The following GABRA5 variants were observed in gnomAD, a reference collection of about 807,000 sequenced individuals.
GABRA5 encodes the protein gamma-aminobutyric acid receptor subunit alpha-5.
GABRA5 carries 18 observed loss-of-function variants against 47.3 expected under a neutral mutation model. That is an observed-to-expected ratio of 0.38 (90% confidence interval 0.26 to 0.56). The LOEUF (loss-of-function observed/expected upper bound fraction) is 0.56. Ranked by LOEUF, GABRA5 falls within the 20% of genes least tolerant of loss-of-function variation. GABRA5 has a pLI of 0.71. For synonymous variants in GABRA5, 237 were observed against 229.3 expected (o/e 1.03, Z -0.30); for missense variants, 365 against 599.3 (o/e 0.61, Z 4.08).
intron 6 of GABRA5, among the ~76,000 whole-genome samples, chr15:26,888,548 T>C (rs572559068): frequency 6.6e-6 from 1 of 152,212 alleles, no homozygotes; most frequent in South Asian, 2.1e-4. Context: ...TTAATTGTTT[T>C]CTCGGGTGAG....
chr15:26,919,558 G>A (rs1057325937), intron 7 of GABRA5, among the ~76,000 whole-genome samples: 3 of 151,946 alleles, frequency 2.0e-5, no homozygotes, highest in African/African-American at 4.8e-5. Context: ...TTTATATTGT[G>A]CATCATTAAC....
chr15:26,946,433 GTTTT>G (rs56708714), intron 10 of GABRA5, among the ~76,000 whole-genome samples: 6 of 144,910 alleles, frequency 4.1e-5, no homozygotes, highest in African/African-American at 1.3e-4. Flanking sequence ...CAATTTATCT[GTTTT>G]TTTTTTTTTT....
intron 10 of GABRA5, among the ~76,000 whole-genome samples, chr15:26,946,928 C>T (rs898860518): frequency 1.3e-5 from 2 of 152,182 alleles, no homozygotes; most frequent in African/African-American, 4.8e-5. Context: ...GTAGGTCACT[C>T]AGCCATAAAA....
At chr15:26,908,960 A>G (rs1893513392) in intron 6 of GABRA5, among the ~76,000 whole-genome samples, 1 of 152,242 alleles carries the variant, frequency 6.6e-6, no homozygotes, top group Non-Finnish European at 1.5e-5. Flanking sequence ...TGGCACAATA[A>G]CTGCTGGTCA....
At chr15:26,909,787 G>A (rs1893535490) in intron 6 of GABRA5, among the ~76,000 whole-genome samples, 1 of 152,194 alleles carries the variant, frequency 6.6e-6, no homozygotes, top group Non-Finnish European at 1.5e-5. Context: ...AATCACATCT[G>A]CAAAGCCCTT....
At chr15:26,908,667 A>G (rs1000152265) in intron 6 of GABRA5, among the ~76,000 whole-genome samples, 5 of 152,224 alleles carry the variant, frequency 3.3e-5, no homozygotes, top group Non-Finnish European at 7.3e-5. Flanking sequence ...CTGTGTTGAT[A>G]CTGAATTTCA....
intron 6 of GABRA5, among the ~76,000 whole-genome samples, chr15:26,884,970 C>T (rs538044971): frequency 3.3e-5 from 5 of 152,090 alleles, no homozygotes; most frequent in South Asian, 2.1e-4. Flanking sequence ...TGTAGGAAAA[C>T]GCAAGGACTG....
intron 10 of GABRA5, among the ~76,000 whole-genome samples, chr15:26,946,646 C>T (rs930715765): frequency 2.0e-5 from 3 of 152,144 alleles, no homozygotes; most frequent in Non-Finnish European, 4.4e-5. Flanking sequence ...ACTCAAATCC[C>T]TGCCACAGTA....
At chr15:26,937,680 G>C (rs1265474313) in intron 8 of GABRA5, among the ~76,000 whole-genome samples, 1 of 152,220 alleles carries the variant, frequency 6.6e-6, no homozygotes, top group Non-Finnish European at 1.5e-5. Flanking sequence ...ACAGTGCAGA[G>C]ATTTCCCTGG....
At chr15:26,911,533 A>G (rs2140291203) in intron 6 of GABRA5, among the ~76,000 whole-genome samples, 1 of 152,274 alleles carries the variant, frequency 6.6e-6, no homozygotes, top group Middle Eastern at 3.4e-3. Flanking sequence ...GCTAGAATGA[A>G]GCCCACCATG....
At chr15:26,872,425 T>A (rs1363870067) in intron 3 of GABRA5, among the ~76,000 whole-genome samples, 4 of 152,140 alleles carry the variant, frequency 2.6e-5, no homozygotes, top group Admixed American at 1.3e-4. Flanking sequence ...CTTCTTGGGC[T>A]CCCTGACTTG....
At chr15:26,888,503 C>T (rs1398755447) in intron 6 of GABRA5, among the ~76,000 whole-genome samples, 1 of 152,064 alleles carries the variant, frequency 6.6e-6, no homozygotes, top group South Asian at 2.1e-4. Context: ...GGGACTGGCC[C>T]GAGGTCATCT....
At chr15:26,914,592 A>C (rs1893677835) in intron 6 of GABRA5, among the ~76,000 whole-genome samples, 1 of 152,240 alleles carries the variant, frequency 6.6e-6, no homozygotes, top group Non-Finnish European at 1.5e-5. Context: ...TAAGCCACCG[A>C]AGTGCTGAGT....
chr15:26,924,158 C>CTT (rs536989357), intron 7 of GABRA5, among the ~76,000 whole-genome samples: 17,758 of 123,568 alleles, frequency 0.14, 1,563 homozygotes, highest in East Asian at 0.33. Context: ...TAATACAAGG[C>CTT]TTTTTTTTTT....
chr15:26,885,079 G>A (rs1407859275), intron 6 of GABRA5, among the ~76,000 whole-genome samples: 3 of 152,032 alleles, frequency 2.0e-5, no homozygotes, highest in Non-Finnish European at 4.4e-5. Context: ...GGAGGATCAC[G>A]AGATCAGGAG....
chr15:26,875,212 G>T (rs1020110348), intron 3 of GABRA5, among the ~76,000 whole-genome samples: 41 of 152,234 alleles, frequency 2.7e-4, no homozygotes, highest in African/African-American at 9.6e-4. Flanking sequence ...GACTCCTGGG[G>T]TTTACTGGAC....
At chr15:26,894,517 G>C (rs190841926) in intron 6 of GABRA5, among the ~76,000 whole-genome samples, 43 of 152,246 alleles carry the variant, frequency 2.8e-4, no homozygotes, top group African/African-American at 9.1e-4. Flanking sequence ...TCAGATGGCT[G>C]TTCTTTGTCA....
chr15:26,886,534 T>C (rs893316550), intron 6 of GABRA5, among the ~76,000 whole-genome samples: 3 of 152,144 alleles, frequency 2.0e-5, no homozygotes, highest in Non-Finnish European at 2.9e-5. Context: ...GTGACCATAA[T>C]GGACAGAGAG....
chr15:26,921,848 C>T (rs1893850496), intron 7 of GABRA5, among the ~76,000 whole-genome samples: 1 of 152,072 alleles, frequency 6.6e-6, no homozygotes, highest in Non-Finnish European at 1.5e-5. Context: ...TTCCCTTTGA[C>T]CCACGTATTA....
Sources: allele counts gnomAD v4.1 joint callset (sites outside exome capture counted in the v4.1 genomes callset), GRCh38; gene constraint gnomAD v4.1.1; transcripts MANE v1.5; gene names NCBI Gene and HGNC (gene_info 2026-07-23, HGNC 2026-07-21).